The following GSR variants were observed in gnomAD, a reference collection of about 807,000 sequenced individuals.
GSR encodes the protein glutathione-disulfide reductase, also known as glutathione reductase, mitochondrial.
A neutral mutation model predicts 56.5 loss-of-function variants in GSR; 48 were observed. The ratio of observed to expected loss-of-function variants is 0.85; its 90% CI spans 0.67 to 1.08. The LOEUF (loss-of-function observed/expected upper bound fraction) is 1.08, where lower values mean the gene tolerates loss of function less well. Among genes scored for constraint, GSR ranks in the 50% least tolerant of loss-of-function variants. The pLI, the probability that GSR is intolerant of heterozygous loss-of-function variation, is 0.00. For synonymous variants in GSR, 264 were observed against 270.8 expected (o/e 0.97, Z 0.25); for missense variants, 694 against 703.3 (o/e 0.99, Z 0.15).
chr8:30,713,375 T>C (rs1318377547), intron 1 of GSR, among the ~76,000 whole-genome samples: 1 of 151,944 alleles, frequency 6.6e-6, no homozygotes. Flanking sequence ...TGTTTTTTTT[T>C]TGAGACTGAG....
intron 5 of GSR, among the ~76,000 whole-genome samples, 167 bp from the exon 6 acceptor site, chr8:30,700,302 G>C (rs927770484): frequency 1.3e-5 from 2 of 152,042 alleles, no homozygotes; most frequent in African/African-American, 4.8e-5. Context: ...AATCCTCCCT[G>C]AGTTAACATT....
In GSR at chr8:30,700,139, T is replaced by G; in HGVS notation, c.641-4A>C. 6.2e-7 allele frequency: 1 copy of G among 1,610,080 alleles called. No individual in the cohort carries two copies. The highest frequency in any genetic ancestry group is 8.5e-7 in the Non-Finnish European group (1 of 1,176,404). On this transcript the variant is annotated splice_region_variant and splice_polypyrimidine_tract_variant and intron_variant, in intron 5 of 12. Coordinates refer to ENST00000221130, the MANE Select transcript of GSR (RefSeq NM_000637.5). ...CTGGTTATTCCTAAGCTGGCACCTA[T>G]GTAGAAAAAGGCAACATAGATCACA...
intron 7 of GSR, 93 bp from the exon 8 acceptor site, chr8:30,693,148 C>T: frequency 9.0e-6 from 7 of 776,834 alleles, no homozygotes; most frequent in Non-Finnish European, 1.4e-5. Context: ...AGCATTATCT[C>T]TCCCCTAATT....
rs748796034 is a variant in GSR at position 30,681,956 on chromosome 8, G to A, written c.1259C>T (p.Pro420Leu). The change falls in exon 11 of 13, where the codon CCT becomes CTT. Residue 420 changes from proline to leucine, a missense_variant. Physicochemically the swap from Pro to Leu is moderately conservative, Grantham distance 98. Transcript: ENST00000221130. ...NIPTVVFSHP[P>L]IGTVGLTEDE... ...TTCCGTGAGTCCCACTGTCCCAATAGGGGGGTGGCTGAAGACCACAGTTGG... is the reference window on the plus strand; with the variant it reads ...TTCCGTGAGTCCCACTGTCCCAATAAGGGGGTGGCTGAAGACCACAGTTGG... 2 of 1,612,170 alleles carry A rather than the reference G, an allele frequency of 1.2e-6. No individual in the cohort carries two copies. Among genetic ancestry groups the A allele is most frequent in the Non-Finnish European group, 1.7e-6 (2 of 1,178,224 alleles).
Position 30,719,054 on chromosome 8 carries a change from C to T in GSR, c.307-6966G>A, listed in dbSNP as rs547159403. 7.5e-4 allele frequency among the ~76,000 whole-genome samples: 113 copies of T among 151,650 alleles called. 1 individual carries two copies. Among genetic ancestry groups the T allele is most frequent in the Non-Finnish European group, 1.2e-3 (79 of 67,980 alleles). On this transcript the variant is annotated intron_variant, in intron 1 of 12. Coordinates refer to ENST00000221130, the MANE Select transcript of GSR (RefSeq NM_000637.5). ...AAGCAATTCTCCAGCTTCAGCCTCC[C>T]GAGTACCTGGGATTACAGGTGCCCG...
intron 1 of GSR, among the ~76,000 whole-genome samples, chr8:30,721,274 A>G (rs1804527410): frequency 6.6e-6 from 1 of 152,184 alleles, no homozygotes; most frequent in Non-Finnish European, 1.5e-5. Context: ...AGGCTGGTGC[A>G]AAAGTAACTG....
rs571740734 is a variant in GSR at position 30,712,350 on chromosome 8, G to A, written c.307-262C>T. ...AGCCCATTTGAGCTGCTGTCTAAGAGGACTTCTCGGGAAAGTACTGCAGAA... is the reference window on the plus strand; with the variant it reads ...AGCCCATTTGAGCTGCTGTCTAAGAAGACTTCTCGGGAAAGTACTGCAGAA... On this transcript the variant is annotated intron_variant, in intron 1 of 12. Transcript: ENST00000221130. Among the ~76,000 whole-genome samples the A allele has an allele frequency of 5.3e-5, 8 of 152,292 alleles. No homozygotes were observed. The East Asian group carries it at 1.5e-3, about 29-fold the overall frequency.
intron 1 of GSR, among the ~76,000 whole-genome samples, chr8:30,722,501 G>A (rs1476776331): frequency 1.7e-5 from 2 of 120,396 alleles, no homozygotes; most frequent in Non-Finnish European, 2.0e-5. Flanking sequence ...TAAGGTGGGA[G>A]GACTGCTTGA....
chr8:30,694,495 T>C (rs2128741967), intron 7 of GSR, among the ~76,000 whole-genome samples: 1 of 152,246 alleles, frequency 6.6e-6, no homozygotes, highest in South Asian at 2.1e-4. Context: ...TTTTTTGTAG[T>C]AGAGATGGGG....
At position 30,708,154 on chromosome 8, in the gene GSR, C is replaced by T. The variant is rs545612295; in HGVS notation, c.423-13G>A. The stretch of plus-strand genomic sequence containing the variant: ...TTCCTTAATAACACTGCAATGAAAC[C>T]CAAGTCAGTATTCAGAAACAGGATC... On this transcript the variant is annotated splice_polypyrimidine_tract_variant and intron_variant, in intron 3 of 12. Coordinates refer to ENST00000221130, the MANE Select transcript of GSR (RefSeq NM_000637.5). The T allele has an allele frequency of 6.3e-7, 1 of 1,595,004 alleles. No homozygotes were observed. Among genetic ancestry groups the T allele is most frequent in the South Asian group, 1.1e-5 (1 of 90,636 alleles).
chr8:30,690,006 ATATAT>A (rs138918704), intron 8 of GSR, among the ~76,000 whole-genome samples: 66,190 of 139,860 alleles, frequency 0.47, 17,811 homozygotes, highest in Non-Finnish European at 0.59. Flanking sequence ...ATTTATATAC[ATATAT>A]TATATAATAC....
intron 1 of GSR, among the ~76,000 whole-genome samples, chr8:30,717,916 A>G (rs1032334857): frequency 6.6e-6 from 1 of 151,984 alleles, no homozygotes; most frequent in African/African-American, 2.4e-5. Flanking sequence ...CCTGGCCAAC[A>G]TGGTGAAACC....
At chr8:30,711,976 TG>T in intron 2 of GSR, 85 bp downstream of exon 2, 3 of 788,286 alleles carry the variant, frequency 3.8e-6, no homozygotes, top group Non-Finnish European at 6.6e-6. Flanking sequence ...GAATTTTAAC[TG>T]ATCTATTTGG....
intron 11 of GSR, 113 bp from the exon 12 acceptor site, chr8:30,681,150 C>T (rs1239356553): frequency 1.2e-6 from 1 of 839,736 alleles, no homozygotes; most frequent in African/African-American, 1.7e-5. Flanking sequence ...GAGGAAATAT[C>T]AAACCACGCC....
chr8:30,709,860 G>A lies in GSR; in HGVS notation c.376C>T (p.His126Tyr). Residue 126 changes from histidine (H) to tyrosine (Y), a missense_variant, in exon 3 of 13, where the codon CAT becomes TAT. His to Tyr is a moderately conservative substitution (Grantham distance 83). Coordinates refer to ENST00000221130, the MANE Select transcript of GSR (RefSeq NM_000637.5). ...TAVHSEFMHD[H>Y]ADYGFPSCEG... is the part of the protein sequence containing the mutation. ...CAACTTGGAAAGCCATAATCAGCAT[G>A]ATCATGCATGAATTCAGAGTGGACA... is the stretch of plus-strand genomic sequence containing the variant. The A allele has an allele frequency of 6.5e-7, 1 of 1,538,130 alleles. No homozygotes were observed. The highest frequency in any genetic ancestry group is 8.9e-7 in the Non-Finnish European group (1 of 1,120,410).
At chr8:30,724,205 C>T (rs1804649490) in intron 1 of GSR, among the ~76,000 whole-genome samples, 3 of 152,094 alleles carry the variant, frequency 2.0e-5, no homozygotes, top group Admixed American at 2.0e-4. Context: ...GACCCTATCT[C>T]TATAAACTGA....
intron 10 of GSR, among the ~76,000 whole-genome samples, chr8:30,683,872 T>A (rs1803040573): frequency 6.6e-6 from 1 of 152,196 alleles, no homozygotes; most frequent in Non-Finnish European, 1.5e-5. Flanking sequence ...ATTGTCTACA[T>A]GAAAACTTCA....
At chr8:30,697,425 AC>A (rs1488282548) in intron 6 of GSR, among the ~76,000 whole-genome samples, 1 of 120,540 alleles carries the variant, frequency 8.3e-6, no homozygotes, top group South Asian at 2.4e-4. Context: ...AAAAAACAAA[AC>A]AAACAAACAA....
chr8:30,706,311 C>A (rs1803917719), intron 4 of GSR, among the ~76,000 whole-genome samples: 1 of 151,766 alleles, frequency 6.6e-6, no homozygotes, highest in Non-Finnish European at 1.5e-5. Context: ...ACCAGCCTGG[C>A]CAACATGGTG....
Sources: allele counts gnomAD v4.1 joint callset (sites outside exome capture counted in the v4.1 genomes callset), GRCh38; gene constraint gnomAD v4.1.1; transcripts MANE v1.5; gene names NCBI Gene and HGNC (gene_info 2026-07-23, HGNC 2026-07-21).